Variants in MSRA observed in about 807,000 individuals in gnomAD.
MSRA encodes the protein methionine sulfoxide reductase A.
In MSRA, 54 loss-of-function variants were observed where a neutral mutation model predicts 31.3. That is an observed-to-expected ratio of 1.73 (90% CI 1.39 to 2.17). The LOEUF (loss-of-function observed/expected upper bound fraction) is 2.17. Among genes scored for constraint, MSRA ranks in the 30% most tolerant of loss-of-function variants. The probability of loss-of-function intolerance (pLI) is 0.00; values close to 1 mark genes in which losing one functional copy is unlikely to be tolerated. For missense variants in MSRA, 507 were observed against 300.9 expected (o/e 1.69, Z -5.07); for synonymous variants, 169 against 116.5 (o/e 1.45, Z -2.90).
chr8:10,142,993 A>G (rs531522862), intron 1 of MSRA, among the ~76,000 whole-genome samples: 2 of 152,102 alleles, frequency 1.3e-5, no homozygotes, highest in South Asian at 2.1e-4. Context: ...ATTTTGCTCC[A>G]TTTCCCCATA....
chr8:10,416,943 A>G (rs1039746668), intron 5 of MSRA, among the ~76,000 whole-genome samples: 5 of 152,246 alleles, frequency 3.3e-5, no homozygotes, highest in Non-Finnish European at 5.9e-5. Context: ...TATCCTTAGC[A>G]GTCTGAAGAC....
At chr8:10,206,288 T>A (rs918043380) in intron 1 of MSRA, among the ~76,000 whole-genome samples, 10 of 152,220 alleles carry the variant, frequency 6.6e-5, no homozygotes, top group African/African-American at 2.2e-4. Context: ...ATCACACAGC[T>A]GGGACCTTCC....
intron 1 of MSRA, among the ~76,000 whole-genome samples, chr8:10,152,014 G>C (rs1228199727): frequency 1.3e-5 from 2 of 152,170 alleles, no homozygotes; most frequent in South Asian, 2.1e-4. Flanking sequence ...GAAAACTGAG[G>C]GTGCTTCTGA....
At chr8:10,332,188 A>G (rs1442235102) in intron 5 of MSRA, among the ~76,000 whole-genome samples, 2 of 152,190 alleles carry the variant, frequency 1.3e-5, no homozygotes, top group African/African-American at 2.4e-5. Flanking sequence ...TGTATTCTCT[A>G]TGCTGCAATG....
intron 5 of MSRA, among the ~76,000 whole-genome samples, chr8:10,371,632 C>G (rs188801731): frequency 6.6e-5 from 10 of 152,224 alleles, no homozygotes; most frequent in Non-Finnish European, 1.2e-4. Context: ...GTACAGTTTT[C>G]CAGAGTCCTT....
At chr8:10,420,514 A>T (rs1324794164) in intron 5 of MSRA, among the ~76,000 whole-genome samples, 2 of 152,152 alleles carry the variant, frequency 1.3e-5, no homozygotes, top group Non-Finnish European at 2.9e-5. Flanking sequence ...AGCCCATCTG[A>T]GGCTGAATAG....
chr8:10,245,322 T>C, intron 3 of MSRA, 99 bp downstream of exon 3: 1 of 1,148,138 alleles, frequency 8.7e-7, no homozygotes, highest in Non-Finnish European at 1.2e-6. Context: ...TATGTTTTTT[T>C]AAAAATGTTT....
At chr8:10,088,259 T>C (rs1798672817) in intron 1 of MSRA, among the ~76,000 whole-genome samples, 1 of 152,242 alleles carries the variant, frequency 6.6e-6, no homozygotes, top group Non-Finnish European at 1.5e-5. Context: ...ATAGCCATTA[T>C]GGAAAACAGC....
At chr8:10,231,759 C>T (rs1260612687) in intron 2 of MSRA, among the ~76,000 whole-genome samples, 5 of 151,936 alleles carry the variant, frequency 3.3e-5, no homozygotes, top group Non-Finnish European at 4.4e-5. Flanking sequence ...AAAAATTAGC[C>T]GGGCGTGGTG....
At chr8:10,383,991 C>G (rs1354155659) in intron 5 of MSRA, among the ~76,000 whole-genome samples, 1 of 152,180 alleles carries the variant, frequency 6.6e-6, no homozygotes, top group Non-Finnish European at 1.5e-5. Flanking sequence ...CATTCACGTT[C>G]TGATGCCTGC....
intron 1 of MSRA, among the ~76,000 whole-genome samples, chr8:10,074,058 CTTTTTTTTTTTTTT>C (rs534642712): frequency 2.5e-3 from 75 of 29,434 alleles, no homozygotes; most frequent in African/African-American, 6.9e-3. Context: ...AAGGGAGGTG[CTTTTTTTTTTTTTT>C]TTTTTTTTTT....
chr8:10,065,890 T>C (rs1261371329), intron 1 of MSRA, among the ~76,000 whole-genome samples: 2 of 151,932 alleles, frequency 1.3e-5, no homozygotes, highest in African/African-American at 4.8e-5. Flanking sequence ...AGTCAACTCT[T>C]CTGCCTGACA....
intron 5 of MSRA, among the ~76,000 whole-genome samples, chr8:10,389,002 A>G (rs1466013645): frequency 2.0e-5 from 3 of 152,134 alleles, no homozygotes; most frequent in African/African-American, 7.2e-5. Flanking sequence ...GCCTGTTGAC[A>G]TATTTATGCC....
intron 1 of MSRA, among the ~76,000 whole-genome samples, chr8:10,090,702 C>G (rs769892662): frequency 6.6e-6 from 1 of 152,196 alleles, no homozygotes; most frequent in African/African-American, 2.4e-5. Flanking sequence ...CTTCCCTCTG[C>G]CCAGGTCCCA....
At chr8:10,060,856 G>A (rs1802676470) in intron 1 of MSRA, among the ~76,000 whole-genome samples, 1 of 152,140 alleles carries the variant, frequency 6.6e-6, no homozygotes, top group Non-Finnish European at 1.5e-5. Flanking sequence ...ACAGATCTTT[G>A]AGGACAAATT....
intron 1 of MSRA, among the ~76,000 whole-genome samples, chr8:10,057,299 C>G (rs1309200262): frequency 6.6e-6 from 1 of 152,118 alleles, no homozygotes; most frequent in Non-Finnish European, 1.5e-5. Context: ...TGGAGATGGT[C>G]TCATTGTGCT....
intron 1 of MSRA, among the ~76,000 whole-genome samples, chr8:10,182,533 G>A (rs1475023139): frequency 6.6e-6 from 1 of 152,132 alleles, no homozygotes; most frequent in African/African-American, 2.4e-5. Flanking sequence ...TCACTTGTGT[G>A]GTTGTTGGCA....
intron 5 of MSRA, among the ~76,000 whole-genome samples, chr8:10,350,200 A>T (rs1474019213): frequency 1.3e-5 from 2 of 152,202 alleles, no homozygotes; most frequent in Non-Finnish European, 2.9e-5. Flanking sequence ...TTGAATTCTG[A>T]TGCTTCTCAC....
intron 1 of MSRA, among the ~76,000 whole-genome samples, chr8:10,167,565 C>T (rs376923401): frequency 5.3e-5 from 8 of 152,110 alleles, no homozygotes; most frequent in Admixed American, 4.6e-4. Flanking sequence ...TCACGCCAGC[C>T]AGGAGATTAG....
Sources: allele counts gnomAD v4.1 joint callset (sites outside exome capture counted in the v4.1 genomes callset), GRCh38; gene constraint gnomAD v4.1.1; transcripts MANE v1.5; gene names NCBI Gene and HGNC (gene_info 2026-07-23, HGNC 2026-07-21).